The following CCDC102B variants were observed in gnomAD, a reference collection of about 807,000 sequenced individuals.
CCDC102B encodes coiled-coil domain containing 102B.
In CCDC102B, 75 loss-of-function variants were observed where a neutral mutation model predicts 57.4. The observed-to-expected ratio is 1.31, with a 90% CI of 1.08 to 1.58. CCDC102B has a LOEUF of 1.58. CCDC102B is among the 40% of genes most tolerant of loss of function. The pLI, the probability that CCDC102B is intolerant of heterozygous loss-of-function variation, is 0.00. For synonymous variants in CCDC102B, 206 were observed against 201.9 expected, an observed-to-expected ratio of 1.02 and a Z score of -0.17; for missense variants, 636 against 582.6, an observed-to-expected ratio of 1.09 and a Z score of -0.94.
intron 6 of CCDC102B, among the ~76,000 whole-genome samples, chr18:68,913,343 T>TGTGTGTGTGTGGGG (rs1456607936): frequency 2.0e-5 from 3 of 151,354 alleles, no homozygotes; most frequent in African/African-American, 7.3e-5. Context: ...TGTGTGTGTG[T>TGTGTGTGTGTGGGG]GGTCCTACTT....
chr18:68,860,480 A>ACAAAAC (rs201169754), intron 4 of CCDC102B, among the ~76,000 whole-genome samples: 1 of 126,956 alleles, frequency 7.9e-6, no homozygotes, highest in Non-Finnish European at 1.7e-5. Flanking sequence ...AAAAACAAAA[A>ACAAAAC]AAAAAAAAGA....
chr18:69,020,321 T>C (rs529612517), intron 7 of CCDC102B, among the ~76,000 whole-genome samples: 1 of 152,280 alleles, frequency 6.6e-6, no homozygotes, highest in South Asian at 2.1e-4. Flanking sequence ...GCATTCATGC[T>C]TTAAGTAATC....
chr18:68,838,273 AAAT>A (rs2037472500), intron 2 of CCDC102B, among the ~76,000 whole-genome samples: 1 of 152,314 alleles, frequency 6.6e-6, no homozygotes, highest in South Asian at 2.1e-4. Context: ...AAGCTTTTTA[AAAT>A]ATTCAACAGC....
At chr18:69,053,869 A>G (rs564946962) in intron 7 of CCDC102B, among the ~76,000 whole-genome samples, 161 bp from the exon 8 acceptor site, 7 of 152,016 alleles carry the variant, frequency 4.6e-5, no homozygotes, top group Non-Finnish European at 8.8e-5. Context: ...GCTACTTAAT[A>G]TATGTACTAT....
chr18:68,748,785 G>A (rs1309041928), intron 2 of CCDC102B, among the ~76,000 whole-genome samples: 1 of 152,156 alleles, frequency 6.6e-6, no homozygotes, highest in Non-Finnish European at 1.5e-5. Context: ...TGTAGTAAAA[G>A]TATAACAACA....
chr18:68,867,932 C>T lies in CCDC102B; in HGVS notation c.937-6737C>T, dbSNP rs149374356. On this transcript the variant is annotated intron_variant, in intron 4 of 7. Transcript: ENST00000360242. The stretch of plus-strand genomic sequence containing the variant: ...CTGGGGCGAAAGAGTAAGACTCCGT[C>T]TCAAAACAAAACAAAAAAAAAGGGC... Among the ~76,000 whole-genome samples, 800 of 151,872 alleles carry T rather than the reference C, an allele frequency of 5.3e-3. 6 individuals carry two copies. The highest frequency in any genetic ancestry group is 0.018 in the African/African-American group (746 of 41,358).
intron 6 of CCDC102B, among the ~76,000 whole-genome samples, chr18:68,911,553 C>T (rs193269791): frequency 0.011 from 1,716 of 149,928 alleles, 45 homozygotes; most frequent in African/African-American, 0.041. Context: ...GAGATCGAGA[C>T]CATCCTGGCT....
chr18:68,872,382 TC>T (rs1273670470), intron 4 of CCDC102B, among the ~76,000 whole-genome samples: 1 of 152,144 alleles, frequency 6.6e-6, no homozygotes. Flanking sequence ...TTCAGTACAC[TC>T]CAGTATTAAA....
intron 4 of CCDC102B, among the ~76,000 whole-genome samples, chr18:68,857,257 A>G (rs1383041096): frequency 2.3e-5 from 1 of 43,958 alleles, no homozygotes; most frequent in Non-Finnish European, 5.1e-5. Context: ...TTTATTATTT[A>G]AATATATAAA....
At chr18:68,920,381 T>A (rs989430389) in intron 6 of CCDC102B, among the ~76,000 whole-genome samples, 1 of 152,184 alleles carries the variant, frequency 6.6e-6, no homozygotes, top group African/African-American at 2.4e-5. Context: ...CCTATGGCCA[T>A]CTGATGTTTG....
At chr18:68,821,780 T>G (rs4891341) in intron 1 of CCDC102B, among the ~76,000 whole-genome samples, 65,536 of 151,794 alleles carry the variant, frequency 0.43, 15,433 homozygotes, top group East Asian at 0.86. Flanking sequence ...TGAAACAAGT[T>G]TCTATCAATT....
chr18:68,810,394 A>G (rs1356226493), intron 1 of CCDC102B, among the ~76,000 whole-genome samples: 1 of 152,238 alleles, frequency 6.6e-6, no homozygotes, highest in African/African-American at 2.4e-5. Context: ...TATTGCACAT[A>G]TGATTTATAT....
At position 69,011,278 on chromosome 18, in the gene CCDC102B, C is replaced by T. The variant is rs917409083; in HGVS notation, c.1434+174C>T. 66 of 646,506 alleles carry T rather than the reference C, an allele frequency of 1.0e-4. 1 individual carries two copies. Among genetic ancestry groups the T allele is most frequent in the Middle Eastern group, 4.3e-4 (1 of 2,334 alleles). The allele number at this position is 646,506 out of a possible 1,614,324, so 40.0% of individuals were successfully genotyped here. A position where few individuals can be genotyped will look rare whatever the true frequency, so the allele number is the denominator to read the frequency against. On this transcript the variant is annotated intron_variant, in intron 7 of 7. Coordinates refer to ENST00000360242, the MANE Select transcript of CCDC102B (RefSeq NM_024781.3). ...GAAATAAGATTACACAGACAATGTGCACATGTTTGTGGCGGTAATAGTATA... is the reference window on the plus strand; with the variant it reads ...GAAATAAGATTACACAGACAATGTGTACATGTTTGTGGCGGTAATAGTATA...
intron 7 of CCDC102B, among the ~76,000 whole-genome samples, chr18:69,052,517 A>AGT (rs982873171): frequency 6.6e-6 from 1 of 151,666 alleles, no homozygotes; most frequent in African/African-American, 2.4e-5. Flanking sequence ...ACACATACAT[A>AGT]GTGTGTGTGT....
intron 4 of CCDC102B, among the ~76,000 whole-genome samples, chr18:68,862,518 C>G (rs2038806188): frequency 6.6e-6 from 1 of 152,064 alleles, no homozygotes; most frequent in Admixed American, 6.6e-5. Context: ...TAGTTCAACT[C>G]TTACATGAAC....
In CCDC102B at chr18:68,856,389, C is replaced by G. The variant is rs188959065; in HGVS notation, c.936+9968C>G. Among the ~76,000 whole-genome samples, 573 of 152,256 alleles carry G rather than the reference C, an allele frequency of 3.8e-3. 4 individuals are homozygous for G. Among genetic ancestry groups the G allele is most frequent in the Non-Finnish European group, 7.2e-3 (489 of 68,006 alleles). On this transcript the variant is annotated intron_variant, in intron 4 of 7. Transcript: ENST00000360242. ...CACGGAAGCTGTAAACTCCCTGGCT[C>G]CAGTGATCCTCCCACCTCAGCCTCT... is the stretch of plus-strand genomic sequence containing the variant.
chr18:68,820,524 GTTTTATT>G (rs2036652291), intron 1 of CCDC102B, among the ~76,000 whole-genome samples: 1 of 151,950 alleles, frequency 6.6e-6, no homozygotes, highest in South Asian at 2.1e-4. Flanking sequence ...TGTTATCAGG[GTTTTATT>G]GACCTCATAA....
At chr18:68,795,578 C>T (rs1332588640), upstream of CCDC102B, among the ~76,000 whole-genome samples, 1 of 152,084 alleles carries the variant, frequency 6.6e-6, no homozygotes, top group East Asian at 1.9e-4. Flanking sequence ...GGTTTGTAGA[C>T]CTATCACTCC....
chr18:68,797,052 C>A (rs916248995), upstream of CCDC102B, among the ~76,000 whole-genome samples: 1 of 151,924 alleles, frequency 6.6e-6, no homozygotes, highest in African/African-American at 2.4e-5. Flanking sequence ...TATTTAACAT[C>A]ACGTGGGGAA....
Sources: gnomAD v4.1 joint callset for allele counts (sites outside exome capture counted in the v4.1 genomes callset) on GRCh38, gnomAD v4.1.1 for gene constraint, MANE v1.5 for transcripts, NCBI Gene and HGNC (gene_info 2026-07-23, HGNC 2026-07-21) for gene names.